UROS: variants seen among roughly 807,000 people sequenced by gnomAD.
The protein encoded by UROS is uroporphyrinogen III synthase, also known as uroporphyrinogen-III synthase.
Under a neutral mutation model 33.0 loss-of-function variants are expected in UROS, and 18 were observed. That is an observed-to-expected ratio of 0.55 (90% CI 0.38 to 0.81). The LOEUF (loss-of-function observed/expected upper bound fraction) is 0.81. Ranked by LOEUF, UROS falls within the 30% of genes least tolerant of loss-of-function variation. The pLI is 0.00. For missense variants in UROS, 293 were observed against 314.9 expected (o/e 0.93, Z 0.53); for synonymous variants, 114 against 121.1 (o/e 0.94, Z 0.38).
chr10:125,810,994 C>T (rs1007497970), intron 5 of UROS, among the ~76,000 whole-genome samples: 2 of 152,206 alleles, frequency 1.3e-5, no homozygotes, highest in Non-Finnish European at 2.9e-5. Context: ...CCAGTGAGTG[C>T]CTAACTGAGA....
downstream of UROS, among the ~76,000 whole-genome samples, chr10:125,787,951 C>T (rs73379265): frequency 4.8e-3 from 724 of 152,302 alleles, 7 homozygotes; most frequent in African/African-American, 0.016. Context: ...TAGCATGTGA[C>T]CCTGACAAAT....
chr10:125,822,381 G>A (rs1254988822), intron 1 of UROS, among the ~76,000 whole-genome samples: 2 of 151,640 alleles, frequency 1.3e-5, no homozygotes, highest in Non-Finnish European at 2.9e-5. Context: ...GGAGTGCGGT[G>A]GCGCGATCTC....
chr10:125,795,329 G>T, intron 8 of UROS: 1 of 328,876 alleles, frequency 3.0e-6, no homozygotes, highest in Non-Finnish European at 5.8e-6. Flanking sequence ...GTGAGGCAGT[G>T]CTGGCTCCCT....
At chr10:125,815,611 C>A (rs1853249774) in intron 3 of UROS, among the ~76,000 whole-genome samples, 1 of 152,200 alleles carries the variant, frequency 6.6e-6, no homozygotes, top group South Asian at 2.1e-4. Flanking sequence ...CTGTACATAT[C>A]TGACTTCACT....
At chr10:125,821,012 T>C (rs1853825874) in intron 1 of UROS, among the ~76,000 whole-genome samples, 1 of 152,218 alleles carries the variant, frequency 6.6e-6, no homozygotes, top group African/African-American at 2.4e-5. Flanking sequence ...GTAAGGCTTT[T>C]TCCCCTACTT....
intron 6 of UROS, among the ~76,000 whole-genome samples, chr10:125,803,334 T>C (rs946267447): frequency 6.6e-5 from 10 of 152,124 alleles, no homozygotes; most frequent in Non-Finnish European, 1.3e-4. Context: ...CCTGATAGCA[T>C]TTCTGTTATG....
chr10:125,785,447 C>G (rs1249312385), downstream of UROS: 1 of 152,224 alleles, frequency 6.6e-6, no homozygotes, highest in African/African-American at 2.4e-5. Context: ...AATATTGAGA[C>G]CACCTCACTG....
intron 8 of UROS, among the ~76,000 whole-genome samples, 190 bp downstream of exon 8, chr10:125,795,913 A>C (rs901844646): frequency 1.3e-5 from 2 of 152,324 alleles, no homozygotes; most frequent in East Asian, 1.9e-4. Context: ...TTCATGAAAC[A>C]ACCACAAAAT....
chr10:125,811,293 A>G (rs888380231), intron 5 of UROS, among the ~76,000 whole-genome samples: 1 of 152,254 alleles, frequency 6.6e-6, no homozygotes, highest in Non-Finnish European at 1.5e-5. Context: ...ATAGAGAATG[A>G]AAGAAACTGG....
intron 7 of UROS, 123 bp downstream of exon 7, chr10:125,797,942 G>A (rs1304099638): frequency 2.6e-6 from 3 of 1,148,586 alleles, no homozygotes; most frequent in Admixed American, 1.7e-5. Context: ...TCCTGGCCTG[G>A]CTTATCCAAC....
At chr10:125,793,718 TA>T (rs1851123784) in intron 9 of UROS, 1 of 152,152 alleles carries the variant, frequency 6.6e-6, no homozygotes, top group African/African-American at 2.4e-5. Context: ...AGCTAATTTT[TA>T]TATTTTTAGT....
chr10:125,806,438 C>T (rs935567741), intron 6 of UROS, among the ~76,000 whole-genome samples: 2 of 152,140 alleles, frequency 1.3e-5, no homozygotes, highest in Non-Finnish European at 2.9e-5. Flanking sequence ...CCCTGGCCTC[C>T]CAGCTCAGCA....
chr10:125,800,405 C>T (rs374015525), intron 6 of UROS, among the ~76,000 whole-genome samples: 3 of 152,170 alleles, frequency 2.0e-5, no homozygotes, highest in South Asian at 2.1e-4. Context: ...TCCTCGTGTG[C>T]GTGCTGGGGG....
chr10:125,820,367 T>C (rs1179786749), intron 1 of UROS, among the ~76,000 whole-genome samples: 1 of 152,112 alleles, frequency 6.6e-6, no homozygotes, highest in Non-Finnish European at 1.5e-5. Context: ...GCAGAAGATA[T>C]CCCAGATCAA....
chr10:125,801,869 T>C (rs1283139812), intron 6 of UROS, among the ~76,000 whole-genome samples: 4 of 152,202 alleles, frequency 2.6e-5, no homozygotes, highest in Non-Finnish European at 5.9e-5. Flanking sequence ...ACCAGCCTGA[T>C]GGTTCTGGGT....
In UROS at chr10:125,807,451, C is replaced by T. The variant is rs755100691; in HGVS notation, c.356G>A (p.Cys119Tyr). 1.4e-5 allele frequency: 23 copies of T among 1,614,162 alleles called. No homozygotes were observed. The highest frequency in any genetic ancestry group is 1.9e-5 in the Non-Finnish European group (23 of 1,180,024). Residue 119 changes from cysteine to tyrosine, a missense_variant, in exon 6 of 10, where the codon TGT becomes TAT. Transcript: ENST00000368797. ...KIGLDTEGET[C>Y]GNAEKLAEYI... Reference sequence around the variant, plus strand: ...TTCTGCAAGCTTTTCTGCATTTCCACAGGTTTCTCCTTCTGTATCCAGGCC... The same window carrying T: ...TTCTGCAAGCTTTTCTGCATTTCCATAGGTTTCTCCTTCTGTATCCAGGCC...
intron 6 of UROS, among the ~76,000 whole-genome samples, chr10:125,803,853 C>T (rs1852066806): frequency 6.6e-6 from 1 of 152,238 alleles, no homozygotes; most frequent in African/African-American, 2.4e-5. Context: ...AGTGGGAGGG[C>T]TTGGCCATGG....
At chr10:125,795,190 C>T (rs1041266162) in intron 8 of UROS, 1 of 598,342 alleles carries the variant, frequency 1.7e-6, no homozygotes, top group Non-Finnish European at 3.0e-6. Context: ...CATCAGAAAG[C>T]TGGTGCTGCC....
At chr10:125,815,561 T>C (rs1474226759) in intron 3 of UROS, among the ~76,000 whole-genome samples, 2 of 152,164 alleles carry the variant, frequency 1.3e-5, no homozygotes, top group Non-Finnish European at 2.9e-5. Flanking sequence ...AATGGTGATA[T>C]CATCTACCGA....
Sources: allele counts gnomAD v4.1 joint callset (sites outside exome capture counted in the v4.1 genomes callset), GRCh38; gene constraint gnomAD v4.1.1; transcripts MANE v1.5; gene names NCBI Gene and HGNC (gene_info 2026-07-23, HGNC 2026-07-21).